PDLIM5: variants seen among roughly 807,000 people sequenced by gnomAD.
PDLIM5 encodes the protein PDZ and LIM domain 5.
In PDLIM5, 34 loss-of-function variants were observed where a neutral mutation model predicts 64.2. That is an observed-to-expected ratio of 0.53 (90% CI 0.40 to 0.71). The LOEUF (loss-of-function observed/expected upper bound fraction) is 0.71. PDLIM5 is among the 30% of genes least tolerant of loss of function. The probability of loss-of-function intolerance (pLI) is 0.00; values close to 1 mark genes in which losing one functional copy is unlikely to be tolerated. For missense variants in PDLIM5, 683 were observed against 733.6 expected, an observed-to-expected ratio of 0.93 and a Z score of 0.80; for synonymous variants, 253 against 269.1, an observed-to-expected ratio of 0.94 and a Z score of 0.59.
intron 2 of PDLIM5, among the ~76,000 whole-genome samples, chr4:94,517,782 C>T (rs1729490570): frequency 6.6e-6 from 1 of 152,114 alleles, no homozygotes; most frequent in African/African-American, 2.4e-5. Context: ...GAAACTTGCC[C>T]TTTGGTAGTG....
intron 3 of PDLIM5, among the ~76,000 whole-genome samples, chr4:94,533,139 C>A (rs1002248893): frequency 5.3e-5 from 8 of 152,138 alleles, no homozygotes; most frequent in African/African-American, 1.7e-4. Context: ...TTCTTCAATT[C>A]AGTAGGCCTT....
At chr4:94,497,711 C>G (rs1727529026) in intron 2 of PDLIM5, among the ~76,000 whole-genome samples, 1 of 152,126 alleles carries the variant, frequency 6.6e-6, no homozygotes, top group African/African-American at 2.4e-5. Flanking sequence ...ATTTAAAAAA[C>G]TGAAATGTTT....
At chr4:94,558,253 A>G (rs943657309) in intron 3 of PDLIM5, among the ~76,000 whole-genome samples, 3 of 152,124 alleles carry the variant, frequency 2.0e-5, no homozygotes, top group African/African-American at 4.8e-5. Flanking sequence ...CAACTTGGGC[A>G]AGTTTATTGT....
At chr4:94,533,525 C>T (rs1359075511) in intron 3 of PDLIM5, among the ~76,000 whole-genome samples, 2 of 152,142 alleles carry the variant, frequency 1.3e-5, no homozygotes, top group East Asian at 3.9e-4. Context: ...GTGAATGGCA[C>T]CAGCATTGGC....
At chr4:94,594,912 GA>G (rs1736949759) in intron 7 of PDLIM5, among the ~76,000 whole-genome samples, 1 of 152,054 alleles carries the variant, frequency 6.6e-6, no homozygotes, top group African/African-American at 2.4e-5. Context: ...CTGCTAAAAA[GA>G]ACTACCTGAG....
At chr4:94,580,244 G>A (rs568243791) in intron 5 of PDLIM5, among the ~76,000 whole-genome samples, 5 of 152,042 alleles carry the variant, frequency 3.3e-5, no homozygotes, top group Non-Finnish European at 5.9e-5. Flanking sequence ...TTATTAATTA[G>A]CTTATGGTTA....
intron 7 of PDLIM5, among the ~76,000 whole-genome samples, chr4:94,599,344 G>A (rs1213192743): frequency 6.6e-6 from 1 of 152,068 alleles, no homozygotes; most frequent in African/African-American, 2.4e-5. Flanking sequence ...GTAATGGAGA[G>A]TGGAAAATTG....
chr4:94,589,897 C>T (rs527370750), intron 7 of PDLIM5, among the ~76,000 whole-genome samples: 1 of 149,768 alleles, frequency 6.7e-6, no homozygotes, highest in Non-Finnish European at 1.5e-5. Flanking sequence ...GCCTCAGCCT[C>T]CTGAGTAGCT....
rs61675663 is a variant in PDLIM5, at chr4:94,494,432, GTTTTTTTTT to G, written c.97-29276_97-29268del. On this transcript the variant is annotated intron_variant, in intron 2 of 12. Coordinates refer to ENST00000317968, the MANE Select transcript of PDLIM5 (RefSeq NM_006457.5). ...AGCATTCACTAATTTTTTTTTTCTT[GTTTTTTTTT>G]TTTTTTTTTTTTTTTGAGACGGAAT... is the stretch of plus-strand genomic sequence containing the variant. Among the ~76,000 whole-genome samples, 49 of 70,770 alleles carry G rather than the reference GTTTTTTTTT, an allele frequency of 6.9e-4. 1 individual carries two copies. The highest frequency in any genetic ancestry group is 2.5e-3 in the East Asian group (5 of 2,038). 46.4% of individuals were successfully genotyped at this position (70,770 alleles called of 152,430 possible). A position where few individuals can be genotyped will look rare whatever the true frequency, so the allele number is the denominator to read the frequency against.
intron 8 of PDLIM5, among the ~76,000 whole-genome samples, chr4:94,623,349 CT>C (rs1739405542): frequency 6.6e-6 from 1 of 152,174 alleles, no homozygotes; most frequent in South Asian, 2.1e-4. Context: ...CACTTTTCTG[CT>C]TTGTACAAGC....
chr4:94,562,831 T>G (rs971767191), intron 3 of PDLIM5, among the ~76,000 whole-genome samples: 1 of 152,174 alleles, frequency 6.6e-6, no homozygotes, highest in Admixed American at 6.5e-5. Context: ...GTGGTTTCAG[T>G]TTTTTAAACT....
chr4:94,587,378 A>C lies in PDLIM5; in HGVS notation c.920+934A>C, dbSNP rs1479863207. 4 of 1,116,526 alleles carry C rather than the reference A, an allele frequency of 3.6e-6. No individual in the cohort carries two copies. In the African/African-American group the frequency reaches 6.6e-5, roughly 18 times the overall value. The allele number at this position is 1,116,526 out of a possible 1,614,324, so 69.2% of individuals were successfully genotyped here. On this transcript the variant is annotated intron_variant, in intron 7 of 12. Coordinates refer to ENST00000317968, the MANE Select transcript of PDLIM5 (RefSeq NM_006457.5). ...TTAGGGTAGTAATCTTGGAAAACGA[A>C]TTATTTTCATAAGTTGAATTTGGTT... is the stretch of plus-strand genomic sequence containing the variant.
chr4:94,553,596 AT>A (rs1332829718), intron 3 of PDLIM5, among the ~76,000 whole-genome samples: 1 of 152,188 alleles, frequency 6.6e-6, no homozygotes, highest in African/African-American at 2.4e-5. Context: ...TCAGAATTCA[AT>A]AGAGAATCCA....
intron 7 of PDLIM5, among the ~76,000 whole-genome samples, chr4:94,596,164 CAT>C (rs1244838114): frequency 6.6e-6 from 1 of 152,138 alleles, no homozygotes; most frequent in Admixed American, 6.6e-5. Context: ...AGCCAAGAAA[CAT>C]AGTTCCTATG....
rs374573739 is a variant in PDLIM5 at position 94,518,779 on chromosome 4, A to G, written c.97-4945A>G. Among the ~76,000 whole-genome samples the G allele has an allele frequency of 5.3e-5, 8 of 152,256 alleles. No homozygotes were observed. The South Asian group carries it at 1.0e-3, about 20-fold the overall frequency. On this transcript the variant is annotated intron_variant, in intron 2 of 12. Coordinates refer to ENST00000317968, the MANE Select transcript of PDLIM5 (RefSeq NM_006457.5). ...GTACTTGGATGTATATCACACCTAG[A>G]GATAAAGCCTGGATCTCACTTTCCA...
intron 2 of PDLIM5, among the ~76,000 whole-genome samples, chr4:94,503,206 C>G (rs899972851): frequency 5.3e-5 from 8 of 152,246 alleles, no homozygotes; most frequent in East Asian, 1.9e-4. Flanking sequence ...ATTAGGGTGG[C>G]AAGCAAATTA....
intron 2 of PDLIM5, among the ~76,000 whole-genome samples, chr4:94,494,462 G>A (rs1284852935): frequency 1.7e-4 from 7 of 41,530 alleles, no homozygotes; most frequent in South Asian, 2.5e-3. Flanking sequence ...TTTTTGAGAC[G>A]GAATTTCACT....
intron 2 of PDLIM5, among the ~76,000 whole-genome samples, chr4:94,464,066 T>G (rs1177875848): frequency 6.6e-6 from 1 of 151,340 alleles, no homozygotes; most frequent in Non-Finnish European, 1.5e-5. Context: ...GATATTTATA[T>G]TTTTTTGTAG....
intron 11 of PDLIM5, among the ~76,000 whole-genome samples, chr4:94,659,621 G>A (rs1293971311): frequency 3.3e-5 from 5 of 151,654 alleles, no homozygotes; most frequent in Middle Eastern, 3.2e-3. Context: ...TCTGCCTCCC[G>A]GGTTCATGCC....
Sources: gnomAD v4.1 joint callset for allele counts (sites outside exome capture counted in the v4.1 genomes callset) on GRCh38, gnomAD v4.1.1 for gene constraint, MANE v1.5 for transcripts, NCBI Gene and HGNC (gene_info 2026-07-23, HGNC 2026-07-21) for gene names.